The following AFF4 variants were observed in gnomAD, a reference collection of about 807,000 sequenced individuals.
The protein encoded by AFF4 is AF4/FMR2 family member 4.
A neutral mutation model predicts 124.8 loss-of-function variants in AFF4; 13 were observed. The ratio of observed to expected loss-of-function variants is 0.10; its 90% confidence interval spans 0.07 to 0.17. The LOEUF is 0.17. Ranked by LOEUF, AFF4 falls within the 10% of genes least tolerant of loss-of-function variation. The probability of loss-of-function intolerance (pLI) is 1.00; values close to 1 mark genes in which losing one functional copy is unlikely to be tolerated. For synonymous variants in AFF4, 477 were observed against 496.1 expected, an observed-to-expected ratio of 0.96 and a Z score of 0.51; for missense variants, 1,092 against 1,403.8, an observed-to-expected ratio of 0.78 and a Z score of 3.55.
chr5:132,892,100 A>C (rs1760274651), intron 13 of AFF4, 64 bp downstream of exon 13: 3 of 1,611,986 alleles, frequency 1.9e-6, no homozygotes, highest in Non-Finnish European at 2.5e-6. Context: ...GCACAGTGTC[A>C]CCCTGGAAAA....
At chr5:132,884,291 G>A (rs1760059344) in intron 19 of AFF4, among the ~76,000 whole-genome samples, 2 of 152,194 alleles carry the variant, frequency 1.3e-5, no homozygotes, top group African/African-American at 2.4e-5. Flanking sequence ...AAGCTGGAGT[G>A]CAGTGGCATG....
In AFF4 at chr5:132,881,151, G is replaced by C; in HGVS notation, c.3400C>G (p.Leu1134Val). Residue 1134 changes from leucine to valine, a missense_variant, in exon 21 of 21, where the codon CTC (leucine) becomes GTC (valine). By Grantham distance (32) the Leu-to-Val change is conservative. Transcript: ENST00000265343. ...FAELDKVMGP[L>V]IFNASIMTDL... The stretch of plus-strand genomic sequence containing the variant: ...GTCATGATGCTTGCATTAAAGATGA[G>C]AGGGCCCATTACTTTATCCAGTTCA... 1 of 1,614,164 alleles carries C rather than the reference G, an allele frequency of 6.2e-7. No individual in the cohort carries two copies. The highest frequency in any genetic ancestry group is 8.5e-7 in the Non-Finnish European group (1 of 1,180,012).
intron 1 of AFF4, among the ~76,000 whole-genome samples, chr5:132,960,171 C>T (rs935322164): frequency 2.0e-5 from 3 of 152,010 alleles, no homozygotes; most frequent in East Asian, 1.9e-4. Flanking sequence ...TAGCTAACAC[C>T]CTCCCAGAAA....
chr5:132,921,091 C>T (rs575561035), intron 5 of AFF4, among the ~76,000 whole-genome samples: 6 of 149,252 alleles, frequency 4.0e-5, no homozygotes, highest in Non-Finnish European at 8.9e-5. Flanking sequence ...CGCGCCACTG[C>T]ACTCTAGCCT....
chr5:132,935,822 C>T (rs1330409727), intron 2 of AFF4, among the ~76,000 whole-genome samples: 1 of 151,194 alleles, frequency 6.6e-6, no homozygotes, highest in Non-Finnish European at 1.5e-5. Context: ...ACTCGAGAGG[C>T]TGAGGCAGGA....
At chr5:132,932,998 A>G (rs551756002) in intron 3 of AFF4, among the ~76,000 whole-genome samples, 1 of 152,244 alleles carries the variant, frequency 6.6e-6, no homozygotes, top group Non-Finnish European at 1.5e-5. Context: ...ACAGCATTTT[A>G]CATTACGCAG....
chr5:132,880,115 C>T lies in AFF4; in HGVS notation c.*944G>A, dbSNP rs803219. On this transcript the variant is annotated 3_prime_UTR_variant, in exon 21 of 21. Coordinates refer to ENST00000265343, the MANE Select transcript of AFF4 (RefSeq NM_014423.4). ...AGATAATCAATTAAAGACACACAGG[C>T]GGCAATCCTCAGGAGTTGGATCATC... The T allele has an allele frequency of 0.47, 187,677 of 397,408 alleles. 46,304 individuals carry two copies. Among genetic ancestry groups the T allele is most frequent in the South Asian group, 0.6 (4,307 of 7,228 alleles). 24.6% of individuals were successfully genotyped at this position (397,408 alleles called of 1,614,324 possible). A position where few individuals can be genotyped will look rare whatever the true frequency, so the allele number is the denominator to read the frequency against.
intron 4 of AFF4, among the ~76,000 whole-genome samples, chr5:132,930,933 TAA>T (rs775336427): frequency 5.7e-4 from 45 of 78,560 alleles, no homozygotes; most frequent in Admixed American, 7.8e-4. Context: ...CTATCTCTAC[TAA>T]AAAAAAAAAA....
At chr5:132,888,997 A>G in intron 14 of AFF4, 82 bp downstream of exon 14, 1 of 1,354,284 alleles carries the variant, frequency 7.4e-7, no homozygotes. Flanking sequence ...CGCCCGGCCA[A>G]TGATAGAAAT....
At chr5:132,946,201 C>T (rs570017899) in intron 1 of AFF4, among the ~76,000 whole-genome samples, 144 of 152,236 alleles carry the variant, frequency 9.5e-4, no homozygotes, top group African/African-American at 3.4e-3. Flanking sequence ...AAATTGTAAC[C>T]TTTGTGCACT....
intron 1 of AFF4, among the ~76,000 whole-genome samples, chr5:132,952,166 G>A (rs1761859202): frequency 6.6e-6 from 1 of 152,194 alleles, no homozygotes; most frequent in African/African-American, 2.4e-5. Context: ...AACTACTGCA[G>A]AGGATGAACA....
chr5:132,901,196 G>A, intron 7 of AFF4: 6 of 976,126 alleles, frequency 6.1e-6, no homozygotes, highest in Non-Finnish European at 7.3e-6. Context: ...GCAGCTCAAT[G>A]AACTTGTTTA....
At chr5:132,962,829 G>C (rs905976365) in intron 1 of AFF4, among the ~76,000 whole-genome samples, 9 of 150,592 alleles carry the variant, frequency 6.0e-5, no homozygotes, top group Non-Finnish European at 1.2e-4. Flanking sequence ...TTGCGGGGGT[G>C]GGGGTGTGGG....
chr5:132,946,710 T>C (rs1207587549), intron 1 of AFF4, among the ~76,000 whole-genome samples: 2 of 152,154 alleles, frequency 1.3e-5, no homozygotes, highest in South Asian at 2.1e-4. Flanking sequence ...ACAGACAGTA[T>C]TGATGATTGT....
intron 5 of AFF4, among the ~76,000 whole-genome samples, chr5:132,915,568 G>GTTTTT: frequency 8.1e-6 from 1 of 122,998 alleles, no homozygotes. Context: ...TTTTTTTTGG[G>GTTTTT]TTTTTTTTTT....
In AFF4 at chr5:132,883,511, T is replaced by A; in HGVS notation, c.3193A>T (p.Asn1065Tyr). Residue 1065 changes from asparagine to tyrosine, a missense_variant, in exon 20 of 21, where the codon AAT (asparagine) becomes TAT (tyrosine). By Grantham distance (143) the Asn-to-Tyr change is moderately radical. Coordinates refer to ENST00000265343, the MANE Select transcript of AFF4 (RefSeq NM_014423.4). ...SPVSPKLSPG[N>Y]SGNYSSGASS... ...GCCCCAGATGAATAATTTCCTGAAT[T>A]GCCTGGTGACAGCTTTGGAGAAACA... is the stretch of plus-strand genomic sequence containing the variant. 6.2e-7 allele frequency: 1 copy of A among 1,614,028 alleles called. No individual in the cohort carries two copies. Among genetic ancestry groups the A allele is most frequent in the Non-Finnish European group, 8.5e-7 (1 of 1,180,018 alleles).
chr5:132,883,285 TAA>T, intron 20 of AFF4, 53 bp downstream of exon 20: 1 of 1,527,646 alleles, frequency 6.5e-7, no homozygotes, highest in Admixed American at 1.7e-5. Flanking sequence ...AACTAAATTA[TAA>T]AAGTTCCTTC....
At chr5:132,884,339 C>T (rs67462411) in intron 19 of AFF4, among the ~76,000 whole-genome samples, 17,546 of 152,012 alleles carry the variant, frequency 0.12, 1,283 homozygotes, top group South Asian at 0.2. Context: ...TCCCTGGTTC[C>T]AATGATTCTC....
chr5:132,952,421 A>C (rs909835074), intron 1 of AFF4, among the ~76,000 whole-genome samples: 2 of 152,136 alleles, frequency 1.3e-5, no homozygotes, highest in East Asian at 3.8e-4. Flanking sequence ...TCAGCCACTT[A>C]TCTCTCCTTG....
Sources: gnomAD v4.1 joint callset for allele counts (sites outside exome capture counted in the v4.1 genomes callset) on GRCh38, gnomAD v4.1.1 for gene constraint, MANE v1.5 for transcripts, NCBI Gene and HGNC (gene_info 2026-07-23, HGNC 2026-07-21) for gene names.